The following PTPRG variants were observed in gnomAD, a reference collection of about 807,000 sequenced individuals.
PTPRG encodes receptor-type tyrosine-protein phosphatase gamma.
PTPRG carries 102 observed loss-of-function variants against 165.3 expected under a neutral mutation model. The observed-to-expected ratio is 0.62, with a 90% CI of 0.53 to 0.73. The LOEUF (loss-of-function observed/expected upper bound fraction) is 0.73. Among genes scored for constraint, PTPRG ranks in the 30% least tolerant of loss-of-function variants. The pLI is 0.00. For synonymous variants in PTPRG, 675 were observed against 669.5 expected (o/e 1.01, Z -0.13); for missense variants, 1,866 against 1,861.4 (o/e 1.00, Z -0.05).
intron 1 of PTPRG, among the ~76,000 whole-genome samples, chr3:61,687,132 T>C (rs2107138437): frequency 6.6e-6 from 1 of 152,298 alleles, no homozygotes; most frequent in Non-Finnish European, 1.5e-5. Flanking sequence ...TGAAACCAAG[T>C]ATCTGTTCAC....
intron 2 of PTPRG, among the ~76,000 whole-genome samples, chr3:61,974,328 C>A (rs555907180): frequency 1.3e-5 from 2 of 152,012 alleles, no homozygotes; most frequent in African/African-American, 4.8e-5. Flanking sequence ...CTGAGGTGGG[C>A]AGATCACCTG....
intron 4 of PTPRG, among the ~76,000 whole-genome samples, chr3:62,008,216 T>G (rs539827333): frequency 6.6e-5 from 10 of 152,218 alleles, no homozygotes; most frequent in Non-Finnish European, 1.5e-4. Flanking sequence ...ATAACCAAAG[T>G]TGCAGTTAAT....
chr3:61,648,208 C>T (rs889269038), intron 1 of PTPRG, among the ~76,000 whole-genome samples: 1 of 152,186 alleles, frequency 6.6e-6, no homozygotes, highest in Non-Finnish European at 1.5e-5. Context: ...ATTAAAATAA[C>T]ATATTAGGAG....
rs115279842 is a variant in PTPRG, at chr3:61,772,917, A to G, written c.190+23935A>G. On this transcript the variant is annotated intron_variant, in intron 2 of 29. Coordinates refer to ENST00000474889, the MANE Select transcript of PTPRG (RefSeq NM_002841.4). ...GGGATTTTCAGATTTGATTATTTCTACCACAACGAATGGGAGAAATGAGTG... is the reference window on the plus strand; with the variant it reads ...GGGATTTTCAGATTTGATTATTTCTGCCACAACGAATGGGAGAAATGAGTG... Among the ~76,000 whole-genome samples, 747 of 152,300 alleles carry G rather than the reference A, an allele frequency of 4.9e-3. 4 individuals are homozygous for G. Among genetic ancestry groups the G allele is most frequent in the African/African-American group, 0.017 (695 of 41,552 alleles).
chr3:62,023,379 A>AT (rs1465563532), intron 4 of PTPRG, among the ~76,000 whole-genome samples: 1 of 152,148 alleles, frequency 6.6e-6, no homozygotes, highest in African/African-American at 2.4e-5. Context: ...CTATGAGTGT[A>AT]TATCTCTCTG....
chr3:61,612,463 G>A (rs112681955), intron 1 of PTPRG, among the ~76,000 whole-genome samples: 5,406 of 152,268 alleles, frequency 0.036, 299 homozygotes, highest in African/African-American at 0.12. Flanking sequence ...GTAGTTCTCG[G>A]CAGTACTGCA....
intron 9 of PTPRG, 91 bp downstream of exon 9, chr3:62,191,744 C>G: frequency 8.0e-7 from 1 of 1,255,348 alleles, no homozygotes; most frequent in Middle Eastern, 2.2e-4. Context: ...TGTGCCAGCT[C>G]TGTGTCATCT....
chr3:61,733,657 T>C lies in PTPRG; in HGVS notation c.86-15221T>C, dbSNP rs537467794. Among the ~76,000 whole-genome samples the C allele has an allele frequency of 1.5e-4, 23 of 152,324 alleles. No homozygotes were observed. The South Asian group carries it at 4.8e-3, about 32-fold the overall frequency. On this transcript the variant is annotated intron_variant, in intron 1 of 29. Transcript: ENST00000474889. ...AGGAATGGATTTATTTCTTTGACAT[T>C]GAGATGGAGCTTTAAAAAGCATTCC...
At chr3:61,746,591 C>T (rs766319848) in intron 1 of PTPRG, among the ~76,000 whole-genome samples, 5 of 152,054 alleles carry the variant, frequency 3.3e-5, no homozygotes, top group Non-Finnish European at 7.3e-5. Context: ...CAACCACCCC[C>T]CGAGGCTTCC....
intron 1 of PTPRG, among the ~76,000 whole-genome samples, chr3:61,685,912 A>G (rs998953708): frequency 6.6e-6 from 1 of 152,160 alleles, no homozygotes; most frequent in Non-Finnish European, 1.5e-5. Flanking sequence ...AACCTGGCAT[A>G]TAATGGTGTC....
intron 2 of PTPRG, among the ~76,000 whole-genome samples, chr3:61,853,643 T>C (rs929836599): frequency 1.3e-5 from 2 of 152,230 alleles, no homozygotes; most frequent in African/African-American, 2.4e-5. Flanking sequence ...TCCTGACCTA[T>C]AGAGATGGTG....
chr3:61,726,752 A>G (rs1258055980), intron 1 of PTPRG, among the ~76,000 whole-genome samples: 1 of 152,174 alleles, frequency 6.6e-6, no homozygotes, highest in African/African-American at 2.4e-5. Flanking sequence ...GTTCCAACTT[A>G]TTAAGATTGA....
At chr3:61,904,929 A>G (rs976865372) in intron 2 of PTPRG, among the ~76,000 whole-genome samples, 1 of 151,642 alleles carries the variant, frequency 6.6e-6, no homozygotes, top group South Asian at 2.1e-4. Context: ...TTTGATGCTC[A>G]AAAGTAATGT....
chr3:61,998,003 T>G (rs1304293656), intron 3 of PTPRG, among the ~76,000 whole-genome samples: 1 of 152,198 alleles, frequency 6.6e-6, no homozygotes, highest in Non-Finnish European at 1.5e-5. Flanking sequence ...TAGGAGGATA[T>G]GATAGTAAGC....
chr3:61,982,665 T>G (rs2040667505), intron 2 of PTPRG, among the ~76,000 whole-genome samples: 1 of 152,088 alleles, frequency 6.6e-6, no homozygotes. Flanking sequence ...ATTATTGCCA[T>G]CTTTACTCTT....
intron 8 of PTPRG, among the ~76,000 whole-genome samples, chr3:62,182,294 T>C (rs1326568422): frequency 6.6e-6 from 1 of 152,206 alleles, no homozygotes; most frequent in Non-Finnish European, 1.5e-5. Flanking sequence ...ATCACTGTAA[T>C]CTAACAGGAA....
intron 1 of PTPRG, among the ~76,000 whole-genome samples, chr3:61,610,628 T>C (rs1240614174): frequency 6.6e-6 from 1 of 152,246 alleles, no homozygotes; most frequent in African/African-American, 2.4e-5. Context: ...CTAATGCATA[T>C]GCAGCATTTA....
chr3:62,062,920 C>T (rs957390502), intron 4 of PTPRG, among the ~76,000 whole-genome samples: 1 of 152,166 alleles, frequency 6.6e-6, no homozygotes, highest in African/African-American at 2.4e-5. Flanking sequence ...TCCCAGAGTG[C>T]TGGGATTACA....
chr3:62,191,408 G>T, intron 8 of PTPRG, 61 bp from the exon 9 acceptor site: 6 of 1,522,220 alleles, frequency 3.9e-6, no homozygotes, highest in Non-Finnish European at 5.3e-6. Context: ...GTCCTTAGGG[G>T]CACGGATTGA....
Sources: allele counts gnomAD v4.1 joint callset (sites outside exome capture counted in the v4.1 genomes callset), GRCh38; gene constraint gnomAD v4.1.1; transcripts MANE v1.5; gene names NCBI Gene and HGNC (gene_info 2026-07-23, HGNC 2026-07-21).